Variants in HSP90AA1 observed in about 807,000 individuals in gnomAD.
HSP90AA1 encodes the protein heat shock protein 90 alpha family class A member 1, also known as heat shock protein HSP 90-alpha.
A neutral mutation model predicts 73.3 loss-of-function variants in HSP90AA1; 18 were observed. The ratio of observed to expected loss-of-function variants is 0.25; its 90% CI spans 0.17 to 0.36. HSP90AA1 has a LOEUF of 0.36. HSP90AA1 is among the 10% of genes least tolerant of loss of function. HSP90AA1 has a pLI of 1.00. For missense variants in HSP90AA1, 704 were observed against 874.2 expected (o/e 0.81, Z 2.45); for synonymous variants, 477 against 296.9 (o/e 1.61, Z -6.24).
chr14:102,136,294 C>T (rs979645746), intron 1 of HSP90AA1, among the ~76,000 whole-genome samples: 1 of 152,096 alleles, frequency 6.6e-6, no homozygotes, highest in Non-Finnish European at 1.5e-5. Context: ...TTGGGCCGGG[C>T]GCGGTGGCTC....
At chr14:102,088,420 G>C (rs1436096188), upstream of HSP90AA1, among the ~76,000 whole-genome samples, 3 of 152,196 alleles carry the variant, frequency 2.0e-5, no homozygotes, top group Admixed American at 2.0e-4. Context: ...CCGCTTCCTG[G>C]TCTTTAGGGA....
chr14:102,087,170 G>A (rs924284800), upstream of HSP90AA1: 3 of 982,868 alleles, frequency 3.1e-6, no homozygotes, highest in African/African-American at 1.8e-5. Flanking sequence ...GCGCGCCTAC[G>A]CATGCGCCGT....
intron 1 of HSP90AA1, chr14:102,139,236 G>T: frequency 6.2e-7 from 1 of 1,613,988 alleles, no homozygotes; most frequent in Non-Finnish European, 8.5e-7. Flanking sequence ...CGTAAATCTT[G>T]AGTCCCTTGG....
upstream of HSP90AA1, among the ~76,000 whole-genome samples, chr14:102,091,253 T>C (rs568859200): frequency 6.6e-6 from 1 of 152,296 alleles, no homozygotes; most frequent in African/African-American, 2.4e-5. Flanking sequence ...GTAAGTCCTT[T>C]ACTCAGGGTC....
upstream of HSP90AA1, among the ~76,000 whole-genome samples, chr14:102,090,325 C>T (rs1374238881): frequency 2.0e-5 from 3 of 152,222 alleles, no homozygotes; most frequent in African/African-American, 7.2e-5. Flanking sequence ...ATGTGGTGCC[C>T]TCTCCTTCAG....
exon 1 of HSP90AA1, chr14:102,139,512 G>A: frequency 8.3e-7 from 1 of 1,203,782 alleles, no homozygotes; most frequent in Non-Finnish European, 1.1e-6. Flanking sequence ...GGCAGGGCGG[G>A]AGACCGCTGA....
chr14:102,118,291 T>TA (rs756637267), intron 1 of HSP90AA1, among the ~76,000 whole-genome samples: 6 of 152,238 alleles, frequency 3.9e-5, no homozygotes, highest in South Asian at 2.1e-4. Flanking sequence ...GTTTATCAGA[T>TA]AAAAAACCAC....
Position 102,083,058 on chromosome 14 carries a change from G to A in HSP90AA1, c.1731C>T (p.Asp577=), listed in dbSNP as rs141409138. ...CCTTTTCAACTTTTTTCTCCAATAT[G>A]TCTTTCATGATTTTGCAGAGGTTCT... is the stretch of plus-strand genomic sequence containing the variant. The part of the protein sequence containing the change: ...KFENLCKIMK[D]ILEKKVEKVV... The change falls in exon 9 of 11, where the codon GAC becomes GAT. Residue 577 remains aspartate, a synonymous_variant. Transcript: ENST00000216281. The A allele has an allele frequency of 1.1e-5, 17 of 1,613,802 alleles. No individual in the cohort carries two copies. In the Admixed American group the frequency reaches 2.0e-4, roughly 19 times the overall value.
chr14:102,093,335 G>A (rs891324969), intron 2 of HSP90AA1, among the ~76,000 whole-genome samples: 1 of 150,920 alleles, frequency 6.6e-6, no homozygotes, highest in South Asian at 2.1e-4. Flanking sequence ...ATGGTGAAAC[G>A]CTGTCTCTAC....
Position 102,083,537 on chromosome 14 carries a change from T to C in HSP90AA1, c.1486+9A>G. On this transcript the variant is annotated intron_variant, in intron 8 of 10. Coordinates refer to ENST00000216281, the MANE Select transcript of HSP90AA1 (RefSeq NM_005348.4). ...CGACGTGTATGACTGTAACATAGTG[T>C]TCTCTTACCTGTGATATAATAGATA... is the stretch of plus-strand genomic sequence containing the variant. The C allele has an allele frequency of 6.2e-7, 1 of 1,612,802 alleles. No homozygotes were observed. The highest frequency in any genetic ancestry group is 8.5e-7 in the Non-Finnish European group (1 of 1,179,232).
At chr14:102,105,876 C>T (rs1358386700) in intron 1 of HSP90AA1, among the ~76,000 whole-genome samples, 1 of 152,094 alleles carries the variant, frequency 6.6e-6, no homozygotes, top group African/African-American at 2.4e-5. Context: ...TCCAGACCAG[C>T]CTGGCCAACA....
At chr14:102,124,754 C>G (rs1195522305) in intron 1 of HSP90AA1, among the ~76,000 whole-genome samples, 1 of 152,120 alleles carries the variant, frequency 6.6e-6, no homozygotes, top group African/African-American at 2.4e-5. Context: ...TTTCCAACAT[C>G]TAATCATATA....
intron 6 of HSP90AA1, chr14:102,084,188 C>A (rs2049166076): frequency 1.3e-5 from 9 of 673,730 alleles, no homozygotes. Context: ...GTTTTCATGC[C>A]TCAGCCTGCC....
At chr14:102,099,728 GAGA>G (rs1039178451) in intron 2 of HSP90AA1, among the ~76,000 whole-genome samples, 5 of 152,222 alleles carry the variant, frequency 3.3e-5, no homozygotes, top group African/African-American at 4.8e-5. Context: ...CTTACTAAGT[GAGA>G]AGGTGGACGC....
chr14:102,088,715 C>T (rs1225489147), upstream of HSP90AA1, among the ~76,000 whole-genome samples: 2 of 152,000 alleles, frequency 1.3e-5, no homozygotes, highest in Admixed American at 6.5e-5. Flanking sequence ...GTGAGCGGGT[C>T]GCTGAAGGGG....
intron 9 of HSP90AA1, chr14:102,082,667 C>T: frequency 1.8e-6 from 1 of 567,770 alleles, no homozygotes; most frequent in Non-Finnish European, 3.1e-6. Context: ...ATCACCCAGG[C>T]TGGAGTGCAG....
chr14:102,085,596 G>GC (rs1408588568), intron 3 of HSP90AA1, 162 bp downstream of exon 3: 1 of 1,253,088 alleles, frequency 8.0e-7, no homozygotes, highest in Non-Finnish European at 1.1e-6. Context: ...CAAAAGAACC[G>GC]CCCACCAAGT....
At chr14:102,086,774 G>A (rs1218279266) in intron 1 of HSP90AA1, among the ~76,000 whole-genome samples, 17 of 151,530 alleles carry the variant, frequency 1.1e-4, no homozygotes, top group Non-Finnish European at 2.2e-4. Flanking sequence ...GCAGAGCCTC[G>A]GGGAGCCCGC....
At chr14:102,108,524 CTTATAACT>C (rs1236796601) in intron 1 of HSP90AA1, among the ~76,000 whole-genome samples, 3 of 147,106 alleles carry the variant, frequency 2.0e-5, no homozygotes, top group Non-Finnish European at 4.5e-5. Flanking sequence ...ACACATCTAA[CTTATAACT>C]TTTTTTTTTT....
Sources: allele counts gnomAD v4.1 joint callset (sites outside exome capture counted in the v4.1 genomes callset), GRCh38; gene constraint gnomAD v4.1.1; transcripts MANE v1.5; gene names NCBI Gene and HGNC (gene_info 2026-07-23, HGNC 2026-07-21).